Variants in FAM114A1 observed in about 807,000 individuals in gnomAD.
FAM114A1 encodes protein NOXP20.
Under a neutral mutation model 64.3 loss-of-function variants are expected in FAM114A1, and 62 were observed. That is an observed-to-expected ratio of 0.96 (90% confidence interval 0.79 to 1.19). FAM114A1 has a LOEUF of 1.19. Among genes scored for constraint, FAM114A1 ranks in the 50% most tolerant of loss-of-function variants. The pLI is 0.00. For missense variants in FAM114A1, 645 were observed against 676.3 expected (o/e 0.95, Z 0.51); for synonymous variants, 254 against 251.1 (o/e 1.01, Z -0.11).
At chr4:38,916,598 A>G (rs1339600122) in intron 8 of FAM114A1, among the ~76,000 whole-genome samples, 1 of 152,190 alleles carries the variant, frequency 6.6e-6, no homozygotes, top group African/African-American at 2.4e-5. Flanking sequence ...CTCATAAGTG[A>G]AGTTGAACAA....
At chr4:38,872,033 C>T (rs990039430) in intron 2 of FAM114A1, among the ~76,000 whole-genome samples, 4 of 152,298 alleles carry the variant, frequency 2.6e-5, no homozygotes, top group South Asian at 4.1e-4. Context: ...GGCACCTGTA[C>T]GTTATTTCTT....
intron 4 of FAM114A1, among the ~76,000 whole-genome samples, chr4:38,894,482 C>T (rs1196196871): frequency 2.6e-5 from 4 of 152,114 alleles, no homozygotes; most frequent in Admixed American, 1.3e-4. Flanking sequence ...AATAATATCC[C>T]GCTTTTTAAG....
chr4:38,942,446 G>A (rs78573075), intron 14 of FAM114A1, among the ~76,000 whole-genome samples: 7 of 152,250 alleles, frequency 4.6e-5, no homozygotes, highest in Non-Finnish European at 1.0e-4. Context: ...GCAGTCAGAG[G>A]CAGAATGTGG....
Position 38,874,589 on chromosome 4 carries a change from C to A in FAM114A1, c.-8-3482C>A, listed in dbSNP as rs564827682. 4.6e-5 allele frequency among the ~76,000 whole-genome samples: 7 copies of A among 152,224 alleles called. 1 individual carries two copies. The South Asian group carries it at 1.0e-3, about 23-fold the overall frequency. On this transcript the variant is annotated intron_variant, in intron 2 of 14. Transcript: ENST00000358869. ...TAGACCTTTGTCACATGCATAGTTG[C>A]AAATATTTTCTGCCATTATGTAAGT...
intron 4 of FAM114A1, among the ~76,000 whole-genome samples, chr4:38,895,430 G>T (rs570161723): frequency 2.6e-5 from 4 of 152,166 alleles, no homozygotes; most frequent in Non-Finnish European, 5.9e-5. Context: ...TAGTTCAGGC[G>T]CACTAAGGAT....
At chr4:38,882,029 A>G (rs961274095) in intron 3 of FAM114A1, among the ~76,000 whole-genome samples, 3 of 152,274 alleles carry the variant, frequency 2.0e-5, no homozygotes, top group South Asian at 2.1e-4. Flanking sequence ...GTTTCTGACC[A>G]GGGCCGGGCG....
intron 2 of FAM114A1, among the ~76,000 whole-genome samples, chr4:38,872,846 G>A (rs571543228): frequency 2.6e-5 from 4 of 152,348 alleles, no homozygotes; most frequent in African/African-American, 9.6e-5. Context: ...GGTCCCATAT[G>A]TAAACAAAGG....
At chr4:38,877,980 G>A (rs986464133) in intron 2 of FAM114A1, 91 bp from the exon 3 acceptor site, 66 of 951,392 alleles carry the variant, frequency 6.9e-5, no homozygotes, top group Middle Eastern at 6.2e-4. Context: ...AAAAAAAAAA[G>A]TTTTCCCCTA....
intron 10 of FAM114A1, among the ~76,000 whole-genome samples, chr4:38,930,116 A>T (rs1011997174): frequency 2.0e-5 from 3 of 152,168 alleles, no homozygotes; most frequent in Admixed American, 2.0e-4. Context: ...TCCCACCTGG[A>T]GCACAGGGGC....
chr4:38,920,613 C>T (rs1719496653), intron 8 of FAM114A1, among the ~76,000 whole-genome samples: 1 of 152,228 alleles, frequency 6.6e-6, no homozygotes, highest in Non-Finnish European at 1.5e-5. Context: ...AGATGATTGC[C>T]ATCCGCCAGA....
At chr4:38,918,404 A>G (rs1284298971) in intron 8 of FAM114A1, among the ~76,000 whole-genome samples, 1 of 152,178 alleles carries the variant, frequency 6.6e-6, no homozygotes, top group East Asian at 1.9e-4. Context: ...GCCCGTTCCA[A>G]GGTACACAGG....
At position 38,932,361 on chromosome 4, in the gene FAM114A1, A is replaced by G; in HGVS notation, c.1450A>G (p.Lys484Glu). 1.3e-6 allele frequency: 2 copies of G among 1,589,828 alleles called. No individual in the cohort carries two copies. Among genetic ancestry groups the G allele is most frequent in the Non-Finnish European group, 1.7e-6 (2 of 1,174,200 alleles). Reference sequence around the variant, plus strand: ...GGAAAAACCAGCTCAGGACCAAGCAAAAGTTCTAATAAAGTAAGTAAATGT... The same window carrying G: ...GGAAAAACCAGCTCAGGACCAAGCAGAAGTTCTAATAAAGTAAGTAAATGT... ...EEEKPAQDQA[K>E]VLIKLTTAMC... Residue 484 changes from lysine to glutamate, a missense_variant, in exon 12 of 15, where the codon AAA becomes GAA. Coordinates refer to ENST00000358869, the MANE Select transcript of FAM114A1 (RefSeq NM_138389.4).
At chr4:38,913,679 C>T (rs1049969479) in intron 7 of FAM114A1, among the ~76,000 whole-genome samples, 4 of 152,104 alleles carry the variant, frequency 2.6e-5, no homozygotes, top group South Asian at 2.1e-4. Flanking sequence ...TGTGAGCCAC[C>T]GTGCCTGGCC....
At chr4:38,939,106 C>G (rs1292048143) in intron 13 of FAM114A1, among the ~76,000 whole-genome samples, 1 of 152,140 alleles carries the variant, frequency 6.6e-6, no homozygotes, top group Non-Finnish European at 1.5e-5. Flanking sequence ...TGACAATGTT[C>G]CTAATCCATG....
intron 14 of FAM114A1, among the ~76,000 whole-genome samples, chr4:38,942,417 T>C (rs1376546389): frequency 6.6e-6 from 1 of 152,024 alleles, no homozygotes; most frequent in African/African-American, 2.4e-5. Context: ...GGAACAGACA[T>C]AGCTAAGAGA....
At chr4:38,906,774 A>G (rs1718050042) in intron 6 of FAM114A1, among the ~76,000 whole-genome samples, 1 of 152,152 alleles carries the variant, frequency 6.6e-6, no homozygotes, top group African/African-American at 2.4e-5. Context: ...ACCTCAGGTG[A>G]TCCTCCTGCC....
rs767269640 is a variant in FAM114A1 at position 38,931,433 on chromosome 4, G to T, written c.1162-18G>T. 1.3e-6 allele frequency: 2 copies of T among 1,584,564 alleles called. No homozygotes were observed. The highest frequency in any genetic ancestry group is 1.2e-5 in the South Asian group (1 of 85,662). ...TATTTGCGCCATAAAAGGATTGTTT[G>T]GTTGGGGACCTCTGCAGGCCATGAA... On this transcript the variant is annotated intron_variant, in intron 10 of 14. Transcript: ENST00000358869.
intron 4 of FAM114A1, among the ~76,000 whole-genome samples, chr4:38,899,039 A>G (rs1203918434): frequency 9.6e-6 from 1 of 104,244 alleles, no homozygotes; most frequent in East Asian, 2.4e-4. Flanking sequence ...ATATATATAT[A>G]TAGACAGATA....
chr4:38,914,809 A>G (rs748866938), intron 7 of FAM114A1, 112 bp from the exon 8 acceptor site: 133 of 1,198,152 alleles, frequency 1.1e-4, no homozygotes, highest in Admixed American at 2.8e-4. Context: ...AAGTGACCAG[A>G]ATCTCCCCCT....
Sources: gnomAD v4.1 joint callset for allele counts (sites outside exome capture counted in the v4.1 genomes callset) on GRCh38, gnomAD v4.1.1 for gene constraint, MANE v1.5 for transcripts, NCBI Gene and HGNC (gene_info 2026-07-23, HGNC 2026-07-21) for gene names.